Variants in USP9X observed in about 807,000 individuals in gnomAD.
USP9X encodes ubiquitin specific peptidase 9 X-linked.
In USP9X, 7 loss-of-function variants were observed where a neutral mutation model predicts 190.3. That is an observed-to-expected ratio of 0.04 (90% CI 0.02 to 0.07). The LOEUF (loss-of-function observed/expected upper bound fraction) is 0.07. Among genes scored for constraint, USP9X ranks in the 10% least tolerant of loss-of-function variants. USP9X has a pLI of 1.00. For missense variants in USP9X, 1,010 were observed against 1,916.9 expected, an observed-to-expected ratio of 0.53 and a Z score of 8.83; for synonymous variants, 645 against 659.5, an observed-to-expected ratio of 0.98 and a Z score of 0.34.
chrX:41,226,124 T>G (rs775276377), intron 41 of USP9X, among the ~76,000 whole-genome samples: 3 of 112,239 alleles, frequency 2.7e-5, no homozygotes, highest in African/African-American at 9.7e-5. Flanking sequence ...ATAAATAAAG[T>G]TTAGGAAGTA....
intron 6 of USP9X, 111 bp from the exon 7 acceptor site, chrX:41,140,545 T>C: frequency 1.9e-6 from 1 of 514,993 alleles, no homozygotes; most frequent in Non-Finnish European, 3.2e-6. Flanking sequence ...CTTTGAAAGA[T>C]GATTTATTTT....
At chrX:41,104,223 C>T (rs767253830) in intron 1 of USP9X, among the ~76,000 whole-genome samples, 6 of 111,085 alleles carry the variant, frequency 5.4e-5, no homozygotes, top group Admixed American at 1.9e-4. Context: ...CATGCTACCA[C>T]GCTGAGCTAA....
At chrX:41,183,214 C>T (rs1203067298) in intron 21 of USP9X, among the ~76,000 whole-genome samples, 1 of 108,303 alleles carries the variant, frequency 9.2e-6, no homozygotes, top group African/African-American at 3.4e-5. Context: ...GCTGGGATTA[C>T]AGGCGTGAGC....
At chrX:41,125,829 TTG>T (rs2062245074) in intron 2 of USP9X, among the ~76,000 whole-genome samples, 1 of 111,224 alleles carries the variant, frequency 9.0e-6, no homozygotes, top group African/African-American at 3.3e-5. Context: ...TTGATTTCAG[TTG>T]TCTTTTCTAA....
intron 26 of USP9X, 59 bp downstream of exon 26, chrX:41,189,534 A>C: frequency 9.5e-7 from 1 of 1,051,423 alleles, no homozygotes; most frequent in African/African-American, 1.9e-5. Flanking sequence ...GAATTAATTT[A>C]GGCTGGCAAA....
At chrX:41,117,570 T>C (rs777274564) in intron 1 of USP9X, among the ~76,000 whole-genome samples, 383 of 104,712 alleles carry the variant, frequency 3.7e-3, no homozygotes, top group African/African-American at 0.013. Flanking sequence ...ACCTTTTTTT[T>C]TTCTTCTTCT....
intron 31 of USP9X, among the ~76,000 whole-genome samples, 156 bp downstream of exon 31, chrX:41,201,436 G>A (rs896045171): frequency 1.8e-5 from 2 of 111,893 alleles, no homozygotes; most frequent in Admixed American, 1.9e-4. Context: ...CAGCTACTCA[G>A]GAAACTGAGG....
intron 1 of USP9X, among the ~76,000 whole-genome samples, chrX:41,091,617 T>A (rs1293573950): frequency 8.9e-6 from 1 of 112,127 alleles, no homozygotes; most frequent in Non-Finnish European, 1.9e-5. Flanking sequence ...CTATTTTACT[T>A]ATTTTTTGCT....
At chrX:41,201,993 T>C (rs2063046477) in intron 31 of USP9X, among the ~76,000 whole-genome samples, 1 of 112,418 alleles carries the variant, frequency 8.9e-6, no homozygotes, top group Admixed American at 9.4e-5. Context: ...CAACAGTTAA[T>C]GTACTCGTGT....
At chrX:41,093,965 G>A (rs976149935) in intron 1 of USP9X, among the ~76,000 whole-genome samples, 10 of 111,399 alleles carry the variant, frequency 9.0e-5, no homozygotes, top group African/African-American at 3.3e-4. Flanking sequence ...GCTATGTACA[G>A]CATTTGTCCA....
intron 1 of USP9X, among the ~76,000 whole-genome samples, chrX:41,094,054 T>C (rs1400232754): frequency 8.9e-6 from 1 of 111,786 alleles, no homozygotes; most frequent in African/African-American, 3.3e-5. Flanking sequence ...CCTTTGTAGA[T>C]ATAATTAATT....
intron 38 of USP9X, among the ~76,000 whole-genome samples, chrX:41,221,762 T>C (rs1222996148): frequency 9.0e-6 from 1 of 110,919 alleles, no homozygotes; most frequent in Non-Finnish European, 1.9e-5. Context: ...GGCCACAGTG[T>C]GGAATGTATT....
chrX:41,196,994 C>G (rs1018409609), intron 28 of USP9X, among the ~76,000 whole-genome samples: 1 of 111,551 alleles, frequency 9.0e-6, no homozygotes, highest in African/African-American at 3.3e-5. Context: ...GCATTTTGGG[C>G]CTTTTTGCAA....
intron 31 of USP9X, among the ~76,000 whole-genome samples, chrX:41,202,568 C>G (rs1726115609): frequency 9.0e-6 from 1 of 111,388 alleles, no homozygotes; most frequent in African/African-American, 3.3e-5. Context: ...AGTAGTTTAT[C>G]AATTGGAGCT....
Position 41,089,559 on chromosome X carries a change from C to T in USP9X, c.-159+3450C>T, listed in dbSNP as rs1239177159. On this transcript the variant is annotated intron_variant, in intron 1 of 44. Coordinates refer to ENST00000378308, the MANE Select transcript of USP9X (RefSeq NM_001039591.3). Reference sequence around the variant, plus strand: ...TTGGTGCGTTTATGACAAAATATTACACAACATTCCTAAAAGGTGTAGAAA... The same window carrying T: ...TTGGTGCGTTTATGACAAAATATTATACAACATTCCTAAAAGGTGTAGAAA... Among the ~76,000 whole-genome samples the T allele has an allele frequency of 1.3e-4, 14 of 111,624 alleles. No individual in the cohort carries two copies. The Admixed American group carries it at 1.3e-3, about 11-fold the overall frequency.
rs758376041 is a variant in USP9X, at chrX:41,169,989, C to T, written c.2637-6C>T. 26 of 1,208,564 alleles carry T rather than the reference C, an allele frequency of 2.2e-5. No homozygotes were observed. Among genetic ancestry groups the T allele is most frequent in the Non-Finnish European group, 2.7e-5 (24 of 894,593 alleles). On this transcript the variant is annotated splice_polypyrimidine_tract_variant and splice_region_variant and intron_variant, in intron 18 of 44. Coordinates refer to ENST00000378308, the MANE Select transcript of USP9X (RefSeq NM_001039591.3). ...TGATGATGTCTGTCTTTCTTTTTCC[C>T]CCCAGAGCATTCCGCGGTAAACACC...
At position 41,218,507 on chromosome X, in the gene USP9X, G is replaced by A. The variant is rs187540684; in HGVS notation, c.6345G>A (p.Ala2115=). 6.4e-5 allele frequency: 78 copies of A among 1,209,770 alleles called. No homozygotes were observed. The African/African-American group carries it at 1.1e-3, about 17-fold the overall frequency. Reference sequence around the variant, plus strand: ...GCCCTAGTGCAGAAGTGAGGGGTGCGTTTGCAAAACTTATAGTCTTTATTG... The same window carrying A: ...GCCCTAGTGCAGAAGTGAGGGGTGCATTTGCAAAACTTATAGTCTTTATTG... ...LECPSAEVRG[A]FAKLIVFIAH... is the part of the protein sequence containing the mutation. The change falls in exon 37 of 45, where the codon GCG becomes GCA. Residue 2115 remains alanine, a synonymous_variant. Transcript: ENST00000378308.
In USP9X at chrX:41,168,072, G is replaced by A. The variant is rs1347325083; in HGVS notation, c.2490G>A (p.Leu830=). 8.3e-7 allele frequency: 1 copy of A among 1,211,492 alleles called. No individual in the cohort carries two copies. The highest frequency in any genetic ancestry group is 2.2e-5 in the Admixed American group (1 of 46,025). ...FDRLKASYDT[L]CVLDGDKDSV... ...GTCTGAAGGCTTCCTATGACACATT[G>A]TGTGTTTTGGATGGTGACAAAGACA... Residue 830 remains leucine (L), a synonymous_variant, in exon 18 of 45, where the codon TTG becomes TTA. Coordinates refer to ENST00000378308, the MANE Select transcript of USP9X (RefSeq NM_001039591.3).
At chrX:41,127,272 AT>A (rs2062263799) in intron 2 of USP9X, among the ~76,000 whole-genome samples, 1 of 111,670 alleles carries the variant, frequency 9.0e-6, no homozygotes, top group South Asian at 3.7e-4. Context: ...GGCCATTAAT[AT>A]TTTTTTAAGA....
Sources: gnomAD v4.1 joint callset for allele counts (sites outside exome capture counted in the v4.1 genomes callset) on GRCh38, gnomAD v4.1.1 for gene constraint, MANE v1.5 for transcripts, NCBI Gene and HGNC (gene_info 2026-07-23, HGNC 2026-07-21) for gene names.